Variants in RHOBTB2 observed in about 807,000 individuals in gnomAD.
The protein encoded by RHOBTB2 is rho-related BTB domain-containing protein 2.
In RHOBTB2, 39 loss-of-function variants were observed where a neutral mutation model predicts 66.5. That is an observed-to-expected ratio of 0.59 (90% CI 0.45 to 0.77). RHOBTB2 has a LOEUF of 0.77. RHOBTB2 is among the 30% of genes least tolerant of loss of function. The pLI, the probability that RHOBTB2 is intolerant of heterozygous loss-of-function variation, is 0.00. For missense variants in RHOBTB2, 755 were observed against 999.1 expected (o/e 0.76, Z 3.29); for synonymous variants, 390 against 395.0 (o/e 0.99, Z 0.15).
chr8:22,980,539 G>A, the RHOBTB2 span, among the ~76,000 whole-genome samples: 1 of 152,056 alleles, frequency 6.6e-6, no homozygotes, highest in African/African-American at 2.4e-5. Flanking sequence ...TATTTATGAA[G>A]ATAAACAGTG....
intron 7 of RHOBTB2, among the ~76,000 whole-genome samples, chr8:23,010,931 A>G (rs1811128266): frequency 6.6e-6 from 1 of 152,166 alleles, no homozygotes; most frequent in South Asian, 2.1e-4. Context: ...ATTTAAACCC[A>G]ACAAAATGGA....
chr8:22,991,716 G>A (rs1239356838), intron 1 of RHOBTB2, among the ~76,000 whole-genome samples: 1 of 152,224 alleles, frequency 6.6e-6, no homozygotes, highest in Non-Finnish European at 1.5e-5. Context: ...CAAGAAGGCA[G>A]AGGGTAAGGG....
chr8:22,974,141 T>A, the RHOBTB2 span, among the ~76,000 whole-genome samples: 1 of 152,174 alleles, frequency 6.6e-6, no homozygotes, highest in Admixed American at 6.5e-5. Flanking sequence ...GTTGGGCTGA[T>A]TCCCGGGTCT....
At chr8:22,996,311 C>A (rs1445608098), upstream of RHOBTB2, among the ~76,000 whole-genome samples, 1 of 152,054 alleles carries the variant, frequency 6.6e-6, no homozygotes, top group Non-Finnish European at 1.5e-5. Flanking sequence ...ATGGAACCTG[C>A]CTCCATGCTG....
At chr8:22,982,709 C>G (rs1400120519), upstream of RHOBTB2, among the ~76,000 whole-genome samples, 1 of 152,134 alleles carries the variant, frequency 6.6e-6, no homozygotes, top group Non-Finnish European at 1.5e-5. Context: ...TGAAGAAAAC[C>G]CCATGGATCT....
upstream of RHOBTB2, among the ~76,000 whole-genome samples, chr8:22,997,700 G>A (rs1051943514): frequency 6.6e-6 from 1 of 152,194 alleles, no homozygotes. Context: ...TGCTCCACAG[G>A]GGCTATGGTC....
rs1419482528 is a variant in RHOBTB2, at chr8:23,006,470, T to C, written c.483-258T>C. ...ACCCATGTGAAGCATTGCCTGCTAA[T>C]TGCCAGAGAGGCAGTGCTGTCACGG... On this transcript the variant is annotated intron_variant, in intron 4 of 9. Transcript: ENST00000251822. The surrounding 1 kb of genome is among the most constrained non-coding windows in gnomAD (Gnocchi z 6.1). 5.3e-6 allele frequency: 3 copies of C among 565,990 alleles called. No homozygotes were observed. In the Admixed American group the frequency reaches 9.6e-5, roughly 18 times the overall value. The allele number at this position is 565,990 out of a possible 1,614,324, so 35.1% of individuals were successfully genotyped here.
chr8:23,013,739 AC>A (rs1354952497), intron 7 of RHOBTB2, among the ~76,000 whole-genome samples: 1 of 151,962 alleles, frequency 6.6e-6, no homozygotes, highest in Non-Finnish European at 1.5e-5. Context: ...CAAGTGATCC[AC>A]CCGCCTTGGC....
Position 23,010,518 on chromosome 8 carries a change from C to T in RHOBTB2, c.1621-20C>T, listed in dbSNP as rs763020852. ...CTAAGCAGGATCTCATTGCTGTCCG[C>T]TCACTCCTTCCCTCCCCAGGTGGTG... On this transcript the variant is annotated intron_variant, in intron 6 of 9. Transcript: ENST00000251822. The T allele has an allele frequency of 1.2e-6, 2 of 1,607,436 alleles. No individual in the cohort carries two copies. The highest frequency in any genetic ancestry group is 1.7e-5 in the Admixed American group (1 of 59,730).
At chr8:22,987,383 ACCAGCAGG>A (rs2128794905), upstream of RHOBTB2, 1 of 152,610 alleles carries the variant, frequency 6.6e-6, no homozygotes, top group African/African-American at 2.4e-5. Context: ...GAGGGAACTG[ACCAGCAGG>A]CCGGCCCCCT....
intron 1 of RHOBTB2, among the ~76,000 whole-genome samples, chr8:23,001,936 G>T (rs764606421): frequency 3.3e-5 from 5 of 152,208 alleles, no homozygotes; most frequent in African/African-American, 4.8e-5. Context: ...TTGTTGATTG[G>T]CTGACCACTG....
chr8:22,951,791 A>T, the RHOBTB2 span, among the ~76,000 whole-genome samples: 5 of 152,324 alleles, frequency 3.3e-5, no homozygotes, highest in African/African-American at 4.8e-5. Flanking sequence ...CTGGATGTAT[A>T]CGTGCAGGTC....
intron 2 of RHOBTB2, among the ~76,000 whole-genome samples, chr8:22,992,707 T>A (rs1810454551): frequency 6.6e-6 from 1 of 152,246 alleles, no homozygotes; most frequent in South Asian, 2.1e-4. Flanking sequence ...TTCCTTTGCA[T>A]GCAGTGTTTC....
In RHOBTB2 at chr8:23,018,322, T is replaced by G. The variant is rs1811356195; in HGVS notation, c.*853T>G. Reference sequence around the variant, plus strand: ...CCCTGCCTCTGGGTGGCACTGCTTTTTATAGGGTGGGGCAAAATTAGCAAA... The same window carrying G: ...CCCTGCCTCTGGGTGGCACTGCTTTGTATAGGGTGGGGCAAAATTAGCAAA... On this transcript the variant is annotated 3_prime_UTR_variant, in exon 10 of 10. Coordinates refer to ENST00000251822, the MANE Select transcript of RHOBTB2 (RefSeq NM_015178.3). The G allele has an allele frequency of 6.6e-6, 1 of 152,654 alleles. No homozygotes were observed. Among genetic ancestry groups the G allele is most frequent in the South Asian group, 2.1e-4 (1 of 4,818 alleles). The allele number at this position is 152,654 out of a possible 1,614,324, so 9.5% of individuals were successfully genotyped here. A position where few individuals can be genotyped will look rare whatever the true frequency, so the allele number is the denominator to read the frequency against.
chr8:23,017,808 G>C lies in RHOBTB2; in HGVS notation c.*339G>C. On this transcript the variant is annotated 3_prime_UTR_variant, in exon 10 of 10. Transcript: ENST00000251822. This position sits in a 1 kb window ranked among gnomAD's most constrained non-coding sequence, Gnocchi z 5.3. ...CCTCCAGGGCTTCTCTGTGTGTCTT[G>C]GTTGCTGCTCTGGCCAGGGAGGCAG... 1 of 290,920 alleles carries C rather than the reference G, an allele frequency of 3.4e-6. No homozygotes were observed. Among genetic ancestry groups the C allele is most frequent in the Non-Finnish European group, 6.7e-6 (1 of 150,356 alleles). 18.0% of individuals were successfully genotyped at this position (290,920 alleles called of 1,614,324 possible). A position where few individuals can be genotyped will look rare whatever the true frequency, so the allele number is the denominator to read the frequency against.
chr8:22,963,200 C>A, the RHOBTB2 span, among the ~76,000 whole-genome samples: 1 of 152,074 alleles, frequency 6.6e-6, no homozygotes, highest in African/African-American at 2.4e-5. Flanking sequence ...ATTAAGATCA[C>A]CATGGGAAAG....
At chr8:22,959,469 G>C in the RHOBTB2 span, among the ~76,000 whole-genome samples, 1 of 151,978 alleles carries the variant, frequency 6.6e-6, no homozygotes, top group Non-Finnish European at 1.5e-5. Flanking sequence ...GGTCAGGCTG[G>C]TCTCCAACTC....
At position 22,987,740 on chromosome 8, in the gene RHOBTB2, G is replaced by A. The variant is rs117347569; in HGVS notation, c.-137+177G>A. 2.1e-3 allele frequency among the ~76,000 whole-genome samples: 313 copies of A among 152,294 alleles called. 6 individuals are homozygous for A. The highest frequency in any genetic ancestry group is 0.018 in the Admixed American group (276 of 15,298). On this transcript the variant is annotated intron_variant, in intron 1 of 11. Transcript: ENST00000519685. Reference sequence around the variant, plus strand: ...TGTGAAGGGAGCACGAGGGGTGGGGGCAATCAGCAATCAGGAATCTTCCCC... The same window carrying A: ...TGTGAAGGGAGCACGAGGGGTGGGGACAATCAGCAATCAGGAATCTTCCCC...
At chr8:23,007,771 G>T (rs370244536) in intron 5 of RHOBTB2, 25 bp downstream of exon 5, 22 of 1,606,396 alleles carry the variant, frequency 1.4e-5, no homozygotes, top group Non-Finnish European at 1.8e-5. Context: ...TGGAAAGCAA[G>T]GGGGTTCTGC....
Sources: allele counts gnomAD v4.1 joint callset (sites outside exome capture counted in the v4.1 genomes callset), GRCh38; gene constraint gnomAD v4.1.1; non-coding constraint Gnocchi (gnomAD v3.1); transcripts MANE v1.5; gene names NCBI Gene and HGNC (gene_info 2026-07-23, HGNC 2026-07-21).